The following UBR2 variants were observed in gnomAD, a reference collection of about 807,000 sequenced individuals.
The protein encoded by UBR2 is ubiquitin protein ligase E3 component n-recognin 2.
In UBR2, 92 loss-of-function variants were observed where a neutral mutation model predicts 247.9. The observed-to-expected ratio is 0.37, with a 90% confidence interval of 0.31 to 0.44. The LOEUF (loss-of-function observed/expected upper bound fraction) is 0.44. Ranked by LOEUF, UBR2 falls within the 20% of genes least tolerant of loss-of-function variation. The probability of loss-of-function intolerance (pLI) is 1.00; values close to 1 mark genes in which losing one functional copy is unlikely to be tolerated. For synonymous variants in UBR2, 672 were observed against 693.5 expected (o/e 0.97, Z 0.49); for missense variants, 1,613 against 2,112.6 (o/e 0.76, Z 4.64).
intron 11 of UBR2, among the ~76,000 whole-genome samples, chr6:42,627,816 T>TTTTAAAGTC (rs886588686): frequency 6.6e-6 from 1 of 152,144 alleles, no homozygotes; most frequent in African/African-American, 2.4e-5. Flanking sequence ...CCAGCCTTTG[T>TTTTAAAGTC]TTTAAAGTCT....
chr6:42,666,168 T>C lies in UBR2; in HGVS notation c.3804T>C (p.Asn1268=). 3 of 1,611,778 alleles carry C rather than the reference T, an allele frequency of 1.9e-6. No individual in the cohort carries two copies. The highest frequency in any genetic ancestry group is 2.5e-6 in the Non-Finnish European group (3 of 1,178,728). ...QFLRKEESTP[N]NASTKNSENV... ...AGTATAAAATGCCTGTTTCTATAGA[T>C]AATGCCTCTACAAAGAATTCAGAAA... Residue 1268 remains asparagine, a splice_region_variant and synonymous_variant, in exon 34 of 47, where the codon AAT becomes AAC. Transcript: ENST00000372901.
chr6:42,682,136 G>A (rs900284259), intron 42 of UBR2, among the ~76,000 whole-genome samples: 6 of 152,106 alleles, frequency 3.9e-5, no homozygotes, highest in African/African-American at 1.4e-4. Context: ...GAGGACGTGT[G>A]CTAAGTGAAA....
intron 42 of UBR2, among the ~76,000 whole-genome samples, chr6:42,681,590 AAAT>A (rs1799058239): frequency 2.1e-5 from 3 of 143,714 alleles, no homozygotes. Flanking sequence ...TAAAAAAAGA[AAAT>A]TACAAATGTT....
intron 42 of UBR2, among the ~76,000 whole-genome samples, chr6:42,682,135 T>C (rs1274138099): frequency 6.6e-6 from 1 of 152,172 alleles, no homozygotes; most frequent in Non-Finnish European, 1.5e-5. Flanking sequence ...TGAGGACGTG[T>C]GCTAAGTGAA....
chr6:42,670,509 A>G (rs1582699604), intron 35 of UBR2, 151 bp from the exon 36 acceptor site: 3 of 696,046 alleles, frequency 4.3e-6, no homozygotes, highest in Non-Finnish European at 2.3e-6. Flanking sequence ...TTTGTAACCA[A>G]ATTTAATTCT....
chr6:42,566,759 T>C (rs1163370571), intron 1 of UBR2, among the ~76,000 whole-genome samples: 1 of 151,564 alleles, frequency 6.6e-6, no homozygotes, highest in African/African-American at 2.4e-5. Context: ...AGAGATGGGG[T>C]CTTGCACTGT....
At chr6:42,681,171 AAAAAAAAAAAAGAAAGACCAGC>A (rs1279274524) in intron 42 of UBR2, among the ~76,000 whole-genome samples, 1 of 151,312 alleles carries the variant, frequency 6.6e-6, no homozygotes, top group East Asian at 1.9e-4. Context: ...TCAAAAAAAA[AAAAAAAAAAAAGAAAGACCAGC>A]CTGGGTAACA....
chr6:42,591,026 C>G (rs998649994), intron 2 of UBR2, among the ~76,000 whole-genome samples: 6 of 152,166 alleles, frequency 3.9e-5, no homozygotes, highest in Admixed American at 1.3e-4. Context: ...CCAAGGCAGG[C>G]AGATCACTTG....
chr6:42,627,176 T>C (rs1328940230), intron 11 of UBR2, among the ~76,000 whole-genome samples: 1 of 152,130 alleles, frequency 6.6e-6, no homozygotes, highest in East Asian at 1.9e-4. Flanking sequence ...GTTGAAACTG[T>C]CCACTTGTGC....
At chr6:42,648,080 T>C (rs2151963865) in intron 21 of UBR2, 38 bp from the exon 22 acceptor site, 2 of 1,567,412 alleles carry the variant, frequency 1.3e-6, no homozygotes, top group Non-Finnish European at 1.8e-6. Context: ...CTAGTAGTTA[T>C]TATTAACATG....
chr6:42,585,712 A>G (rs1792208973), intron 2 of UBR2, among the ~76,000 whole-genome samples: 1 of 152,212 alleles, frequency 6.6e-6, no homozygotes, highest in African/African-American at 2.4e-5. Flanking sequence ...TCAAATTGAC[A>G]TAAAATTGTG....
At chr6:42,633,198 T>C (rs1218258652) in intron 13 of UBR2, among the ~76,000 whole-genome samples, 3 of 152,010 alleles carry the variant, frequency 2.0e-5, no homozygotes, top group Admixed American at 6.6e-5. Context: ...TTGTTGTTCA[T>C]TGAAATGAAC....
chr6:42,676,938 A>G, intron 40 of UBR2, 65 bp downstream of exon 40: 2 of 1,350,186 alleles, frequency 1.5e-6, no homozygotes, highest in Non-Finnish European at 2.1e-6. Flanking sequence ...AGCATGAGAA[A>G]GGAATTCGTT....
intron 4 of UBR2, among the ~76,000 whole-genome samples, chr6:42,599,785 C>T (rs891013339): frequency 3.9e-5 from 6 of 151,990 alleles, no homozygotes; most frequent in African/African-American, 1.5e-4. Context: ...CCAGTAGCTG[C>T]GACCACAGGC....
Position 42,679,783 on chromosome 6 carries a change from A to C in UBR2, c.4669A>C (p.Ile1557Leu). 6.2e-7 allele frequency: 1 copy of C among 1,613,650 alleles called. No individual in the cohort carries two copies. Among genetic ancestry groups the C allele is most frequent in the Non-Finnish European group, 8.5e-7 (1 of 1,179,852 alleles). Residue 1557 changes from isoleucine to leucine, a missense_variant, in exon 42 of 47, where the codon ATT (isoleucine) becomes CTT (leucine). Ile to Leu is a conservative substitution (Grantham distance 5). Transcript: ENST00000372901. The part of the protein sequence containing the change: ...CSYLSLPNNL[I>L]CLFQENSEIM... ...CTATCTTTCCCTACCAAACAACCTC[A>C]TTTGCCTTTTTCAAGAAAATAGTGA...
At chr6:42,662,650 C>T (rs1304098047) in intron 31 of UBR2, among the ~76,000 whole-genome samples, 1 of 152,164 alleles carries the variant, frequency 6.6e-6, no homozygotes, top group Admixed American at 6.5e-5. Context: ...TGCTTTGTTA[C>T]TTCCCAAAAT....
intron 31 of UBR2, 102 bp from the exon 32 acceptor site, chr6:42,663,156 T>C: frequency 2.0e-6 from 2 of 998,516 alleles, no homozygotes; most frequent in Non-Finnish European, 1.3e-6. Flanking sequence ...TTTTCATTTT[T>C]GAACTATTTG....
chr6:42,661,938 A>T (rs1797838338), intron 30 of UBR2, among the ~76,000 whole-genome samples: 1 of 152,250 alleles, frequency 6.6e-6, no homozygotes, highest in South Asian at 2.1e-4. Context: ...TTAAATTCAT[A>T]GTTCTAATTT....
Position 42,605,753 on chromosome 6 carries a change from T to C in UBR2, c.695T>C (p.Phe232Ser). The change falls in exon 6 of 47, where the codon TTT becomes TCT. Residue 232 changes from phenylalanine to serine, a missense_variant. By Grantham distance (155) the Phe-to-Ser change is radical. Transcript: ENST00000372901. ...EKSDTYYCML[F>S]NDEVHTYEQV... is the part of the protein sequence containing the mutation. Reference sequence around the variant, plus strand: ...AGTGACACCTACTATTGCATGCTGTTTAATGATGAGGTTCACACCTATGAA... The same window carrying C: ...AGTGACACCTACTATTGCATGCTGTCTAATGATGAGGTTCACACCTATGAA... 6.2e-7 allele frequency: 1 copy of C among 1,611,848 alleles called. No homozygotes were observed.
Sources: gnomAD v4.1 joint callset for allele counts (sites outside exome capture counted in the v4.1 genomes callset) on GRCh38, gnomAD v4.1.1 for gene constraint, MANE v1.5 for transcripts, NCBI Gene and HGNC (gene_info 2026-07-23, HGNC 2026-07-21) for gene names.